Variants in CSMD1 observed in about 807,000 individuals in gnomAD.
CSMD1 encodes the protein CUB and sushi domain-containing protein 1.
A neutral mutation model predicts 417.5 loss-of-function variants in CSMD1; 213 were observed. The ratio of observed to expected loss-of-function variants is 0.51; its 90% CI spans 0.46 to 0.57. The LOEUF is 0.57. CSMD1 is among the 20% of genes least tolerant of loss of function. The probability of loss-of-function intolerance (pLI) is 0.00; values close to 1 mark genes in which losing one functional copy is unlikely to be tolerated. For synonymous variants in CSMD1, 2,862 were observed against 1,736.8 expected, an observed-to-expected ratio of 1.65 and a Z score of -16.11; for missense variants, 6,923 against 4,529.7, an observed-to-expected ratio of 1.53 and a Z score of -15.17.
intron 50 of CSMD1, among the ~76,000 whole-genome samples, chr8:3,040,341 T>C (rs1019931253): frequency 1.3e-5 from 2 of 148,952 alleles, no homozygotes; most frequent in East Asian, 3.9e-4. Flanking sequence ...TTAACTCTTA[T>C]TGAGTGAAAG....
chr8:4,382,135 C>G (rs1803145076), intron 3 of CSMD1, among the ~76,000 whole-genome samples: 1 of 152,150 alleles, frequency 6.6e-6, no homozygotes, highest in African/African-American at 2.4e-5. Context: ...TAAAGGACAT[C>G]TTTGACAAAG....
intron 1 of CSMD1, among the ~76,000 whole-genome samples, chr8:4,941,971 T>A (rs554237426): frequency 6.6e-6 from 1 of 152,226 alleles, no homozygotes; most frequent in Non-Finnish European, 1.5e-5. Context: ...TGAGTATGTG[T>A]TGTTTTTAAA....
chr8:3,323,163 A>T (rs1033780010), intron 23 of CSMD1, among the ~76,000 whole-genome samples: 3 of 152,164 alleles, frequency 2.0e-5, no homozygotes, highest in African/African-American at 7.2e-5. Context: ...ATGATGTCCA[A>T]TGGGCAACTT....
chr8:4,207,875 G>A (rs1162792153), intron 3 of CSMD1, among the ~76,000 whole-genome samples: 2 of 152,088 alleles, frequency 1.3e-5, no homozygotes, highest in Admixed American at 1.3e-4. Flanking sequence ...TATAGGTGGA[G>A]AAATTAGTCC....
chr8:4,112,675 G>T (rs1256476327), intron 3 of CSMD1, among the ~76,000 whole-genome samples: 1 of 152,126 alleles, frequency 6.6e-6, no homozygotes, highest in Admixed American at 6.5e-5. Flanking sequence ...CCCCAGACAA[G>T]CCCCTATATT....
At chr8:3,454,297 A>C (rs1815958975) in intron 12 of CSMD1, among the ~76,000 whole-genome samples, 1 of 152,166 alleles carries the variant, frequency 6.6e-6, no homozygotes, top group Non-Finnish European at 1.5e-5. Flanking sequence ...TAATTGGAGC[A>C]TTTGGCCCAT....
chr8:3,378,313 C>T (rs1810438725), intron 18 of CSMD1, among the ~76,000 whole-genome samples: 2 of 152,182 alleles, frequency 1.3e-5, no homozygotes, highest in African/African-American at 4.8e-5. Flanking sequence ...CGAATTCTCC[C>T]AGAAGTACAA....
chr8:4,677,293 A>G (rs2130965014), intron 1 of CSMD1, among the ~76,000 whole-genome samples: 1 of 152,028 alleles, frequency 6.6e-6, no homozygotes, highest in South Asian at 2.1e-4. Context: ...TTAGAAATTA[A>G]AGTGAAGAAA....
intron 17 of CSMD1, among the ~76,000 whole-genome samples, chr8:3,391,764 T>A (rs1811364206): frequency 6.6e-6 from 1 of 152,218 alleles, no homozygotes; most frequent in Non-Finnish European, 1.5e-5. Context: ...CGAGTACCTG[T>A]GGCTGTGATT....
At chr8:3,972,727 A>C (rs944597731) in intron 5 of CSMD1, among the ~76,000 whole-genome samples, 4 of 152,234 alleles carry the variant, frequency 2.6e-5, no homozygotes. Context: ...TTGTGGGAGT[A>C]AACACACAGC....
chr8:4,925,485 T>A (rs1199822322), intron 1 of CSMD1, among the ~76,000 whole-genome samples: 2 of 152,056 alleles, frequency 1.3e-5, no homozygotes, highest in African/African-American at 4.8e-5. Context: ...ACTCAGTAAT[T>A]TCTAGTCTTG....
chr8:4,114,280 C>A (rs1466592929), intron 3 of CSMD1, among the ~76,000 whole-genome samples: 1 of 152,170 alleles, frequency 6.6e-6, no homozygotes, highest in Non-Finnish European at 1.5e-5. Context: ...TAAATGCACT[C>A]TGCCTGTGCT....
chr8:4,270,077 G>A (rs1416144823), intron 3 of CSMD1, among the ~76,000 whole-genome samples: 1 of 152,158 alleles, frequency 6.6e-6, no homozygotes, highest in East Asian at 1.9e-4. Context: ...TCTGAGGAGA[G>A]AAACATGATC....
At chr8:3,282,966 C>G (rs1053342581) in intron 26 of CSMD1, among the ~76,000 whole-genome samples, 3 of 152,106 alleles carry the variant, frequency 2.0e-5, no homozygotes, top group Non-Finnish European at 4.4e-5. Context: ...TATGGCATCT[C>G]TCCACGGTGC....
chr8:4,579,304 C>G (rs1343480297), intron 2 of CSMD1, among the ~76,000 whole-genome samples: 5 of 149,920 alleles, frequency 3.3e-5, no homozygotes, highest in Non-Finnish European at 7.4e-5. Flanking sequence ...ATCCTCTTGC[C>G]AATGGTGAAG....
At chr8:3,600,565 T>C (rs1801313529) in intron 8 of CSMD1, among the ~76,000 whole-genome samples, 3 of 152,180 alleles carry the variant, frequency 2.0e-5, no homozygotes, top group African/African-American at 4.8e-5. Context: ...TCCCATTTAC[T>C]CACCCAGCTT....
intron 2 of CSMD1, among the ~76,000 whole-genome samples, chr8:4,507,241 G>C (rs1271400730): frequency 1.1e-4 from 16 of 152,136 alleles, no homozygotes. Context: ...CCATGCAAAA[G>C]TTAGCTCAGT....
chr8:3,593,346 G>C lies in CSMD1; in HGVS notation c.1098-7086C>G, dbSNP rs138138345. Among the ~76,000 whole-genome samples, 130 of 152,340 alleles carry C rather than the reference G, an allele frequency of 8.5e-4. 1 individual carries two copies. In the East Asian group the frequency reaches 0.017, roughly 20 times the overall value. On this transcript the variant is annotated intron_variant, in intron 8 of 69. Coordinates refer to ENST00000635120, the MANE Select transcript of CSMD1 (RefSeq NM_033225.6). ...CCTGTGTCTCCTGGTGCTTCATAGA[G>C]TCTGGAGAAGGTGGGAGGAGCCCGT... is the stretch of plus-strand genomic sequence containing the variant.
intron 7 of CSMD1, among the ~76,000 whole-genome samples, chr8:3,672,783 C>T (rs1191891141): frequency 1.3e-5 from 2 of 152,184 alleles, no homozygotes; most frequent in African/African-American, 4.8e-5. Flanking sequence ...GGCTCTTCTC[C>T]TGGGAGAACC....
Sources: allele counts gnomAD v4.1 joint callset (sites outside exome capture counted in the v4.1 genomes callset), GRCh38; gene constraint gnomAD v4.1.1; transcripts MANE v1.5; gene names NCBI Gene and HGNC (gene_info 2026-07-23, HGNC 2026-07-21).